CSMD1: variants seen among roughly 807,000 people sequenced by gnomAD.
The protein encoded by CSMD1 is CUB and Sushi multiple domains 1.
A neutral mutation model predicts 417.5 loss-of-function variants in CSMD1; 213 were observed. The ratio of observed to expected loss-of-function variants is 0.51; its 90% CI spans 0.46 to 0.57. The LOEUF (loss-of-function observed/expected upper bound fraction) is 0.57, where lower values mean the gene tolerates loss of function less well. Ranked by LOEUF, CSMD1 falls within the 20% of genes least tolerant of loss-of-function variation. The pLI is 0.00. For synonymous variants in CSMD1, 2,862 were observed against 1,736.8 expected, an observed-to-expected ratio of 1.65 and a Z score of -16.11; for missense variants, 6,923 against 4,529.7, an observed-to-expected ratio of 1.53 and a Z score of -15.17.
chr8:3,491,517 A>T (rs1055690530), intron 11 of CSMD1, among the ~76,000 whole-genome samples: 19 of 152,162 alleles, frequency 1.2e-4, no homozygotes, highest in Non-Finnish European at 2.2e-4. Context: ...CATGATTTCA[A>T]TTATGCTTAT....
At chr8:4,328,073 A>C (rs1361369746) in intron 3 of CSMD1, among the ~76,000 whole-genome samples, 1 of 152,092 alleles carries the variant, frequency 6.6e-6, no homozygotes, top group Non-Finnish European at 1.5e-5. Flanking sequence ...GCACTCCATA[A>C]TTTACATGAT....
At chr8:4,670,794 G>C (rs1805248079) in intron 1 of CSMD1, among the ~76,000 whole-genome samples, 1 of 152,140 alleles carries the variant, frequency 6.6e-6, no homozygotes, top group Non-Finnish European at 1.5e-5. Flanking sequence ...AAAATAATTT[G>C]TTTCATGTGC....
chr8:3,241,115 G>C (rs1224322223), intron 26 of CSMD1, among the ~76,000 whole-genome samples: 3 of 151,350 alleles, frequency 2.0e-5, no homozygotes, highest in African/African-American at 7.3e-5. Flanking sequence ...TTGGGAAGAA[G>C]GGCGGCAATG....
intron 5 of CSMD1, among the ~76,000 whole-genome samples, chr8:3,857,167 T>C (rs1804369454): frequency 6.6e-6 from 1 of 152,154 alleles, no homozygotes; most frequent in South Asian, 2.1e-4. Flanking sequence ...GATGGGATAA[T>C]TACATGGGCT....
intron 2 of CSMD1, among the ~76,000 whole-genome samples, chr8:4,577,393 C>T (rs2130681555): frequency 6.6e-6 from 1 of 152,134 alleles, no homozygotes; most frequent in East Asian, 1.9e-4. Context: ...TTCTTTCCAT[C>T]CTCTCAAGTC....
intron 3 of CSMD1, among the ~76,000 whole-genome samples, chr8:4,094,093 G>T (rs181122881): frequency 1.3e-5 from 2 of 151,936 alleles, no homozygotes; most frequent in South Asian, 4.1e-4. Context: ...CTGTGTGGAT[G>T]GAGGAAAACG....
At chr8:4,178,670 A>G (rs1358085913) in intron 3 of CSMD1, among the ~76,000 whole-genome samples, 1 of 152,204 alleles carries the variant, frequency 6.6e-6, no homozygotes, top group East Asian at 1.9e-4. Flanking sequence ...ATGATTGTTT[A>G]TCTAGAAAAC....
intron 2 of CSMD1, among the ~76,000 whole-genome samples, chr8:4,549,569 C>G (rs1363683008): frequency 6.6e-6 from 1 of 152,022 alleles, no homozygotes; most frequent in African/African-American, 2.4e-5. Flanking sequence ...TCCCGCATTA[C>G]GTGATGCTGG....
chr8:4,963,389 G>A (rs369092098), intron 1 of CSMD1, among the ~76,000 whole-genome samples: 2 of 151,970 alleles, frequency 1.3e-5, no homozygotes, highest in East Asian at 3.9e-4. Flanking sequence ...TAGTAGAGAC[G>A]AGGTTTCACC....
intron 1 of CSMD1, among the ~76,000 whole-genome samples, chr8:4,875,263 T>C (rs1046732018): frequency 6.6e-6 from 1 of 152,002 alleles, no homozygotes; most frequent in African/African-American, 2.4e-5. Context: ...TATACCCAAG[T>C]CCTCTGGTAA....
At chr8:3,918,339 A>C (rs73174427) in intron 5 of CSMD1, among the ~76,000 whole-genome samples, 7,429 of 151,898 alleles carry the variant, frequency 0.049, 251 homozygotes, top group Middle Eastern at 0.14. Context: ...AGAGTTCCTT[A>C]CTCCCCACGT....
intron 3 of CSMD1, among the ~76,000 whole-genome samples, chr8:4,099,776 T>C (rs1246238482): frequency 6.6e-6 from 1 of 152,168 alleles, no homozygotes; most frequent in Non-Finnish European, 1.5e-5. Context: ...TCCCAGCCAC[T>C]TCCCTTATGA....
chr8:3,072,616 T>C (rs1813396390), intron 49 of CSMD1, among the ~76,000 whole-genome samples: 1 of 152,190 alleles, frequency 6.6e-6, no homozygotes, highest in South Asian at 2.1e-4. Context: ...TGGAACACCC[T>C]CAGATGTTTC....
chr8:4,649,220 C>T (rs993389068), intron 1 of CSMD1, among the ~76,000 whole-genome samples: 1 of 152,170 alleles, frequency 6.6e-6, no homozygotes, highest in Non-Finnish European at 1.5e-5. Context: ...AAGTGCCAAG[C>T]ACAGTGCCCA....
chr8:4,311,259 T>C (rs979212182), intron 3 of CSMD1, among the ~76,000 whole-genome samples: 3 of 152,126 alleles, frequency 2.0e-5, no homozygotes, highest in Non-Finnish European at 4.4e-5. Flanking sequence ...TAAATGTCCA[T>C]CAATGACAGA....
In CSMD1 at chr8:4,514,698, T is replaced by C. The variant is rs116667083; in HGVS notation, c.303-94633A>G. On this transcript the variant is annotated intron_variant, in intron 2 of 69. Transcript: ENST00000635120. ...CATAAATAGAGTACCTGGTACCTAA[T>C]ATAGATACAAATTAAACCTGCTATT... 5.8e-3 allele frequency among the ~76,000 whole-genome samples: 885 copies of C among 152,310 alleles called. 8 individuals carry two copies. The highest frequency in any genetic ancestry group is 0.02 in the African/African-American group (840 of 41,568).
At chr8:3,921,740 G>C (rs1357555480) in intron 5 of CSMD1, among the ~76,000 whole-genome samples, 2 of 152,068 alleles carry the variant, frequency 1.3e-5, no homozygotes, top group East Asian at 3.9e-4. Context: ...ATAAGAGTCA[G>C]GAAAGTTACC....
Position 4,221,043 on chromosome 8 carries a change from C to T in CSMD1, c.416-188944G>A, listed in dbSNP as rs1423609509. Among the ~76,000 whole-genome samples the T allele has an allele frequency of 2.0e-5, 3 of 152,122 alleles. No individual in the cohort carries two copies. The East Asian group carries it at 5.8e-4, about 29-fold the overall frequency. On this transcript the variant is annotated intron_variant, in intron 3 of 69. Coordinates refer to ENST00000635120, the MANE Select transcript of CSMD1 (RefSeq NM_033225.6). ...GGAGGCCAGTGATTGTCCAGCTTTT[C>T]CCATGAGCGAAAAACCCAAACTTTA...
intron 3 of CSMD1, among the ~76,000 whole-genome samples, chr8:4,238,073 G>T (rs187759437): frequency 6.6e-6 from 1 of 152,082 alleles, no homozygotes; most frequent in Admixed American, 6.6e-5. Context: ...GGCCTCAAGA[G>T]ATTGTAAACG....
Sources: allele counts gnomAD v4.1 joint callset (sites outside exome capture counted in the v4.1 genomes callset), GRCh38; gene constraint gnomAD v4.1.1; transcripts MANE v1.5; gene names NCBI Gene and HGNC (gene_info 2026-07-23, HGNC 2026-07-21).